MAP4K4: variants seen among roughly 807,000 people sequenced by gnomAD.
MAP4K4 encodes the protein mitogen-activated protein kinase kinase kinase kinase 4, also known as HPK/GCK-like kinase HGK.
Under a neutral mutation model 189.6 loss-of-function variants are expected in MAP4K4, and 38 were observed. That is an observed-to-expected ratio of 0.20 (90% CI 0.15 to 0.26). The LOEUF is 0.26. Among genes scored for constraint, MAP4K4 ranks in the 10% least tolerant of loss-of-function variants. The probability of loss-of-function intolerance (pLI) is 1.00; values close to 1 mark genes in which losing one functional copy is unlikely to be tolerated. For missense variants in MAP4K4, 1,054 were observed against 1,726.9 expected, an observed-to-expected ratio of 0.61 and a Z score of 6.91; for synonymous variants, 610 against 624.3, an observed-to-expected ratio of 0.98 and a Z score of 0.34.
chr2:101,836,031 CT>C, intron 9 of MAP4K4, 53 bp downstream of exon 9: 2 of 1,334,634 alleles, frequency 1.5e-6, no homozygotes, highest in Non-Finnish European at 2.1e-6. Flanking sequence ...TAAATTGCTT[CT>C]TTTTAGTTAT....
At chr2:101,839,250 T>C (rs1180239052) in intron 9 of MAP4K4, among the ~76,000 whole-genome samples, 2 of 152,168 alleles carry the variant, frequency 1.3e-5, no homozygotes, top group Non-Finnish European at 2.9e-5. Context: ...ATTAATCTCT[T>C]CCCTCCATCC....
chr2:101,704,541 GTATATA>G lies in MAP4K4; in HGVS notation c.123+6025_123+6030del, dbSNP rs1332013927. Among the ~76,000 whole-genome samples the G allele has an allele frequency of 3.1e-3, 250 of 80,428 alleles. 1 individual carries two copies. The highest frequency in any genetic ancestry group is 0.015 in the Middle Eastern group (2 of 134). 52.8% of individuals were successfully genotyped at this position (80,428 alleles called of 152,430 possible). A position where few individuals can be genotyped will look rare whatever the true frequency, so the allele number is the denominator to read the frequency against. On this transcript the variant is annotated intron_variant, in intron 2 of 32. Coordinates refer to ENST00000324219, the Ensembl canonical transcript of MAP4K4. ...ATTTTATGTGTGTGTGTGTGTGTGT[GTATATA>G]TATATATATATATATATATATTTTT...
chr2:101,875,910 T>A (rs1406532253), intron 26 of MAP4K4, among the ~76,000 whole-genome samples: 1 of 152,132 alleles, frequency 6.6e-6, no homozygotes, highest in East Asian at 1.9e-4. Flanking sequence ...AGTCATGACG[T>A]GAGTATTTTA....
At chr2:101,709,718 G>C (rs1338874341) in intron 2 of MAP4K4, among the ~76,000 whole-genome samples, 4 of 151,858 alleles carry the variant, frequency 2.6e-5, no homozygotes, top group Admixed American at 6.6e-5. Context: ...TGTCTTGCCT[G>C]GATTTTGAAA....
intron 3 of MAP4K4, among the ~76,000 whole-genome samples, chr2:101,801,197 T>A (rs1193896074): frequency 6.6e-6 from 1 of 152,112 alleles, no homozygotes; most frequent in Admixed American, 6.5e-5. Context: ...TTGCTTCCAT[T>A]CCCTGTAAAT....
intron 12 of MAP4K4, among the ~76,000 whole-genome samples, chr2:101,851,122 AAC>A (rs772339849): frequency 7.2e-5 from 11 of 152,216 alleles, no homozygotes; most frequent in East Asian, 3.8e-4. Context: ...TTAAATACCA[AAC>A]TAGAATAGGA....
rs371929766 is a variant in MAP4K4 at position 101,860,916 on chromosome 2, G to A, written c.1796G>A (p.Arg599Gln). ...GTATTGGAGCCACCAGTGCCTTCCC[G>A]ATCAGAGTCTTTTTCCAATGGCAAC... The change falls in exon 16 of 33, where the codon CGA becomes CAA. Residue 599 changes from arginine (R) to glutamine (Q), a missense_variant. Coordinates refer to ENST00000324219, the Ensembl canonical transcript of MAP4K4. 3.7e-6 allele frequency: 6 copies of A among 1,606,926 alleles called. No individual in the cohort carries two copies. The African/African-American group carries it at 4.0e-5, about 11-fold the overall frequency.
intron 2 of MAP4K4, among the ~76,000 whole-genome samples, chr2:101,770,240 A>ATTTT (rs34574782): frequency 6.4e-4 from 48 of 75,158 alleles, no homozygotes; most frequent in Middle Eastern, 0.012. Flanking sequence ...GTTCATTCTG[A>ATTTT]TTTTTTTTTT....
chr2:101,800,488 C>T (rs1406741590), intron 3 of MAP4K4, among the ~76,000 whole-genome samples: 1 of 152,100 alleles, frequency 6.6e-6, no homozygotes, highest in African/African-American at 2.4e-5. Flanking sequence ...TACAGACAGC[C>T]TTTATATTAA....
chr2:101,871,596 A>T (rs1197920499), exon 24 of MAP4K4: 1 of 1,536,324 alleles, frequency 6.5e-7, no homozygotes, highest in South Asian at 1.2e-5. Context: ...TTCCTCCTCC[A>T]CTTCCTCCAC....
At position 101,780,372 on chromosome 2, in the gene MAP4K4, A is replaced by G. The variant is rs2086715960; in HGVS notation, c.124-10348A>G. 2.0e-5 allele frequency among the ~76,000 whole-genome samples: 3 copies of G among 152,180 alleles called. No individual in the cohort carries two copies. In the South Asian group the frequency reaches 6.2e-4, roughly 32 times the overall value. On this transcript the variant is annotated intron_variant, in intron 2 of 32. Coordinates refer to ENST00000324219, the Ensembl canonical transcript of MAP4K4. ...TAGTGATGCTTGAAGTGATATTTCA[A>G]TATTGAAGTTATACTGTGGATATAA...
rs1558971586 is a variant in MAP4K4, at chr2:101,797,888, A to ATTTTTTTTTTTTTTTT, written c.180+7112_180+7113insTTTTTTTTTTTTTTTT. Reference sequence around the variant, plus strand: ...ATGAAGCTTTTTAAAACATTCTTTTAGTTTTTTTTTTTTTTTTTTTTTGGA... The same window carrying ATTTTTTTTTTTTTTTT: ...ATGAAGCTTTTTAAAACATTCTTTTATTTTTTTTTTTTTTTTGTTTTTTTTTTTTTTTTTTTTTGGA... On this transcript the variant is annotated intron_variant, in intron 3 of 32. Transcript: ENST00000324219. 3.9e-4 allele frequency among the ~76,000 whole-genome samples: 3 copies of ATTTTTTTTTTTTTTTT among 7,618 alleles called. No individual in the cohort carries two copies. The East Asian group carries it at 0.02, about 51-fold the overall frequency. 5.0% of individuals were successfully genotyped at this position (7,618 alleles called of 152,430 possible). A position where few individuals can be genotyped will look rare whatever the true frequency, so the allele number is the denominator to read the frequency against.
chr2:101,708,782 A>T (rs1004616769), intron 2 of MAP4K4, among the ~76,000 whole-genome samples: 3 of 152,160 alleles, frequency 2.0e-5, no homozygotes, highest in African/African-American at 7.2e-5. Flanking sequence ...CCCTGTTCCA[A>T]CCCAGAGCCC....
intron 23 of MAP4K4, among the ~76,000 whole-genome samples, chr2:101,871,031 C>A (rs1038506233): frequency 6.6e-6 from 1 of 152,108 alleles, no homozygotes; most frequent in Non-Finnish European, 1.5e-5. Flanking sequence ...TAAAGTGATA[C>A]GCTTCTCATT....
rs1032643473 is a variant in MAP4K4, at chr2:101,892,725, C to G, written c.*1476C>G. On this transcript the variant is annotated 3_prime_UTR_variant, in exon 33 of 33. Coordinates refer to ENST00000324219, the Ensembl canonical transcript of MAP4K4. ...GGCTTTTCTCGTTTTCTCACTTGCT[C>G]TCTTGTTCTCTGTTTTTTTAAACCA... 3 of 357,900 alleles carry G rather than the reference C, an allele frequency of 8.4e-6. No homozygotes were observed. The East Asian group carries it at 2.2e-4, about 27-fold the overall frequency. The allele number at this position is 357,900 out of a possible 1,614,324, so 22.2% of individuals were successfully genotyped here.
rs776114421 is a variant in MAP4K4, at chr2:101,887,976, G to A, written c.3931+39G>A. 1.9e-6 allele frequency: 3 copies of A among 1,540,792 alleles called. No individual in the cohort carries two copies. In the South Asian group the frequency reaches 3.8e-5, roughly 20 times the overall value. ...GGGGAAAGGCAGCATTTGTGAAAAT[G>A]GAGCCGTGTCTGAGACTCCATTTAT... On this transcript the variant is annotated intron_variant, in intron 31 of 32. Coordinates refer to ENST00000324219, the Ensembl canonical transcript of MAP4K4.
chr2:101,768,024 C>A, intron 2 of MAP4K4, among the ~76,000 whole-genome samples: 1 of 152,124 alleles, frequency 6.6e-6, no homozygotes, highest in Non-Finnish European at 1.5e-5. Context: ...GTAATTGAAA[C>A]ACAGATTTTC....
chr2:101,750,371 G>A (rs1309370462), intron 2 of MAP4K4, among the ~76,000 whole-genome samples: 1 of 140,516 alleles, frequency 7.1e-6, no homozygotes, highest in Non-Finnish European at 1.5e-5. Context: ...GGACATGGAT[G>A]AAATTGGAAA....
At chr2:101,707,212 C>G (rs1182418760) in intron 2 of MAP4K4, among the ~76,000 whole-genome samples, 32 of 133,934 alleles carry the variant, frequency 2.4e-4, no homozygotes, top group Middle Eastern at 8.1e-3. Flanking sequence ...TTTATTTTAT[C>G]TTTTTTTTTT....
Sources: gnomAD v4.1 joint callset for allele counts (sites outside exome capture counted in the v4.1 genomes callset) on GRCh38, gnomAD v4.1.1 for gene constraint, MANE v1.5 for transcripts, NCBI Gene and HGNC (gene_info 2026-07-23, HGNC 2026-07-21) for gene names.